The following DNAH14 variants were observed in gnomAD, a reference collection of about 807,000 sequenced individuals.
The protein encoded by DNAH14 is dynein axonemal heavy chain 14.
Under a neutral mutation model 520.9 loss-of-function variants are expected in DNAH14, and 478 were observed. The observed-to-expected ratio is 0.92, with a 90% CI of 0.85 to 0.99. The LOEUF (loss-of-function observed/expected upper bound fraction) is 0.99. DNAH14 is among the 50% of genes least tolerant of loss of function. DNAH14 has a pLI of 0.00. For missense variants in DNAH14, 4,831 were observed against 5,234.5 expected, an observed-to-expected ratio of 0.92 and a Z score of 2.38; for synonymous variants, 1,581 against 1,757.2, an observed-to-expected ratio of 0.90 and a Z score of 2.51.
chr1:225,021,738 C>T (rs1037376417), intron 10 of DNAH14, among the ~76,000 whole-genome samples: 1 of 152,032 alleles, frequency 6.6e-6, no homozygotes, highest in East Asian at 1.9e-4. Context: ...TGATGCTATT[C>T]CTGTCAAATT....
intron 60 of DNAH14, among the ~76,000 whole-genome samples, chr1:225,317,558 CAGTA>C (rs771818675): frequency 3.7e-4 from 56 of 151,798 alleles, no homozygotes; most frequent in Admixed American, 7.2e-4. Flanking sequence ...TTGCCAAATG[CAGTA>C]AGTATTTCTT....
intron 26 of DNAH14, among the ~76,000 whole-genome samples, chr1:225,122,016 C>T (rs2077339646): frequency 6.6e-6 from 1 of 151,986 alleles, no homozygotes; most frequent in African/African-American, 2.4e-5. Flanking sequence ...TAGGTCTCAC[C>T]TGGCTGAGTG....
chr1:225,384,015 C>A (rs182765929), intron 81 of DNAH14, among the ~76,000 whole-genome samples: 134 of 152,272 alleles, frequency 8.8e-4, no homozygotes, highest in African/African-American at 3.0e-3. Context: ...CATTCAGGAG[C>A]AGGATGTTCA....
chr1:225,192,214 T>C lies in DNAH14; in HGVS notation c.5671-482T>C, dbSNP rs879130346. ...ATCTCTTGCCCTAGGCTTCCACAGG[T>C]CTGTAATCTCTCTGAAGAAGTGCCT... is the stretch of plus-strand genomic sequence containing the variant. On this transcript the variant is annotated intron_variant, in intron 37 of 85. Coordinates refer to ENST00000682510, the MANE Select transcript of DNAH14 (RefSeq NM_001367479.1). 2.6e-5 allele frequency among the ~76,000 whole-genome samples: 4 copies of C among 152,218 alleles called. No homozygotes were observed. In the East Asian group the frequency reaches 5.8e-4, roughly 22 times the overall value.
rs2080631806 is a variant in DNAH14 at position 225,152,823 on chromosome 1, T to C, written c.5136T>C (p.Asn1712=). 6 of 1,551,406 alleles carry C rather than the reference T, an allele frequency of 3.9e-6. No homozygotes were observed. In the East Asian group the frequency reaches 1.5e-4, roughly 38 times the overall value. ...ILFSFGFKSA[N]SLSGKLTNLY... ...TTTCATTTGGTTTCAAATCTGCAAATTCACTCTCTGGAAAGCTAACTAACC... is the reference window on the plus strand; with the variant it reads ...TTTCATTTGGTTTCAAATCTGCAAACTCACTCTCTGGAAAGCTAACTAACC... Residue 1712 remains asparagine, a synonymous_variant, in exon 33 of 86, where the codon AAT becomes AAC. Transcript: ENST00000682510.
chr1:224,977,819 A>G (rs1287114259), intron 8 of DNAH14, among the ~76,000 whole-genome samples: 1 of 152,234 alleles, frequency 6.6e-6, no homozygotes. Context: ...CTCAAACAAC[A>G]GTAAAAAATA....
chr1:225,151,122 A>C (rs1285806384), intron 31 of DNAH14, among the ~76,000 whole-genome samples: 1 of 152,220 alleles, frequency 6.6e-6, no homozygotes, highest in Non-Finnish European at 1.5e-5. Flanking sequence ...AGTATTTATT[A>C]GTATTACTAA....
chr1:225,353,324 T>A (rs1402361127), intron 72 of DNAH14, among the ~76,000 whole-genome samples: 1 of 152,122 alleles, frequency 6.6e-6, no homozygotes, highest in Non-Finnish European at 1.5e-5. Flanking sequence ...TAGGTAGATA[T>A]AATATTTAAT....
In DNAH14 at chr1:225,398,611, C is replaced by CG; in HGVS notation, c.13584dup (p.Leu4529AlafsTer8). On this transcript the variant is annotated frameshift_variant, in exon 85 of 86. Transcript: ENST00000682510. LOFTEE classifies it high-confidence loss of function. The stretch of plus-strand genomic sequence containing the variant: ...CGTGAACAGAAAATACTGGAAGACT[C>CG]GCTGCCTCTGGAGATGTGCTGTGAT... 2 of 1,551,732 alleles carry CG rather than the reference C, an allele frequency of 1.3e-6. No homozygotes were observed. The highest frequency in any genetic ancestry group is 1.7e-6 in the Non-Finnish European group (2 of 1,146,996).
rs560792252 is a variant in DNAH14 at position 225,272,064 on chromosome 1, T to C, written c.7830T>C (p.Asp2610=). ...GTCACTACATGTTTAATCTTCGAGA[T>C]ATGTTTAAGGTTTGTTTTAATGTTC... The part of the protein sequence containing the change: ...TKCHYMFNLR[D]MFKLLLGLLQ... The change falls in exon 51 of 86, where the codon GAT becomes GAC. Residue 2610 remains aspartate, a synonymous_variant. Transcript: ENST00000682510. 1,358 of 1,549,486 alleles carry C rather than the reference T, an allele frequency of 8.8e-4. 1 individual carries two copies. Among genetic ancestry groups the C allele is most frequent in the Middle Eastern group, 4.3e-3 (25 of 5,842 alleles).
intron 41 of DNAH14, among the ~76,000 whole-genome samples, chr1:225,213,962 C>G (rs4440825): frequency 0.6 from 90,887 of 151,922 alleles, 27,675 homozygotes; most frequent in East Asian, 0.84. Flanking sequence ...GGAGTGGTGA[C>G]AGAGGGTATC....
In DNAH14 at chr1:225,392,341, G is replaced by A. The variant is rs761377509; in HGVS notation, c.13381G>A (p.Val4461Met). 6.4e-7 allele frequency: 1 copy of A among 1,552,396 alleles called. No individual in the cohort carries two copies. Among genetic ancestry groups the A allele is most frequent in the Non-Finnish European group, 8.7e-7 (1 of 1,147,152 alleles). ...QDYGRSRGIA[V>M]DALTFTHHVI... is the part of the protein sequence containing the mutation. ...CTATGGGAGGTCCCGAGGAATCGCT[G>A]TGGATGCCCTCACCTTCACCCACCA... The change falls in exon 84 of 86, where the codon GTG becomes ATG. Residue 4461 changes from valine to methionine, a missense_variant. Transcript: ENST00000682510.
At chr1:224,946,820 A>ATT (rs1312226779) in intron 1 of DNAH14, among the ~76,000 whole-genome samples, 1 of 112,524 alleles carries the variant, frequency 8.9e-6, no homozygotes, top group Non-Finnish European at 1.9e-5. Context: ...ATCTAATTTC[A>ATT]TTTTTTTCCC....
At chr1:225,268,156 C>T (rs960687731) in intron 49 of DNAH14, among the ~76,000 whole-genome samples, 1 of 152,096 alleles carries the variant, frequency 6.6e-6, no homozygotes, top group African/African-American at 2.4e-5. Flanking sequence ...TTAATGATTG[C>T]TCTTTTTGTT....
chr1:225,150,414 G>A (rs1425358177), intron 31 of DNAH14, among the ~76,000 whole-genome samples: 2 of 152,124 alleles, frequency 1.3e-5, no homozygotes, highest in Admixed American at 6.5e-5. Flanking sequence ...CCCATAGAGT[G>A]GGTTACAGAG....
intron 17 of DNAH14, among the ~76,000 whole-genome samples, chr1:225,078,794 C>G: frequency 2.0e-5 from 1 of 51,082 alleles, no homozygotes; most frequent in Non-Finnish European, 5.2e-5. Flanking sequence ...CTCTCTCTCT[C>G]TCTCTCTCTC....
intron 41 of DNAH14, among the ~76,000 whole-genome samples, chr1:225,210,821 T>C (rs1470730457): frequency 6.6e-6 from 1 of 152,200 alleles, no homozygotes; most frequent in African/African-American, 2.4e-5. Context: ...CAGCAATCTT[T>C]GCTGTTCTGC....
intron 8 of DNAH14, among the ~76,000 whole-genome samples, chr1:224,985,521 T>G (rs1221688628): frequency 6.6e-6 from 1 of 152,152 alleles, no homozygotes; most frequent in Non-Finnish European, 1.5e-5. Flanking sequence ...CAGTGTATAC[T>G]GCTCAGGCAA....
At chr1:225,164,584 A>C (rs2081859396) in intron 35 of DNAH14, among the ~76,000 whole-genome samples, 1 of 152,050 alleles carries the variant, frequency 6.6e-6, no homozygotes, top group South Asian at 2.1e-4. Context: ...TTTCCTGCTC[A>C]CTATGGGGTA....
Sources: allele counts gnomAD v4.1 joint callset (sites outside exome capture counted in the v4.1 genomes callset), GRCh38; gene constraint gnomAD v4.1.1; transcripts MANE v1.5; gene names NCBI Gene and HGNC (gene_info 2026-07-23, HGNC 2026-07-21).